The following CYP2C19 variants were observed in gnomAD, a reference collection of about 807,000 sequenced individuals.
CYP2C19 encodes the protein cytochrome P450 2C19.
In CYP2C19, 59 loss-of-function variants were observed where a neutral mutation model predicts 40.9. That is an observed-to-expected ratio of 1.44 (90% CI 1.17 to 1.79). The LOEUF (loss-of-function observed/expected upper bound fraction) is 1.79, where lower values mean the gene tolerates loss of function less well. Ranked by LOEUF, CYP2C19 falls within the 40% of genes most tolerant of loss-of-function variation. The pLI is 0.00. For synonymous variants in CYP2C19, 253 were observed against 208.7 expected, an observed-to-expected ratio of 1.21 and a Z score of -1.83; for missense variants, 754 against 596.9, an observed-to-expected ratio of 1.26 and a Z score of -2.74.
chr10:94,829,174 G>A (rs1849285098), intron 6 of CYP2C19, among the ~76,000 whole-genome samples: 2 of 152,056 alleles, frequency 1.3e-5, no homozygotes, highest in African/African-American at 4.8e-5. Context: ...GTATCTTTGT[G>A]GCGTTCTCTG....
chr10:94,775,645 G>C, intron 3 of CYP2C19, 106 bp downstream of exon 3: 3 of 1,588,556 alleles, frequency 1.9e-6, no homozygotes, highest in Non-Finnish European at 2.6e-6. Flanking sequence ...TTGGAGTCCT[G>C]GTTGTTAGCT....
At chr10:94,818,661 G>C (rs1289353667) in intron 5 of CYP2C19, among the ~76,000 whole-genome samples, 1 of 148,776 alleles carries the variant, frequency 6.7e-6, no homozygotes, top group Non-Finnish European at 1.5e-5. Flanking sequence ...AATTGTGAAT[G>C]GGAGTTCACT....
At chr10:94,801,322 T>C (rs1441622481) in intron 5 of CYP2C19, among the ~76,000 whole-genome samples, 1 of 152,194 alleles carries the variant, frequency 6.6e-6, no homozygotes, top group Non-Finnish European at 1.5e-5. Context: ...CAAAGAACAT[T>C]ATTACTTTTG....
intron 5 of CYP2C19, among the ~76,000 whole-genome samples, chr10:94,787,763 T>C (rs557448474): frequency 6.6e-6 from 1 of 152,254 alleles, no homozygotes; most frequent in Admixed American, 6.5e-5. Flanking sequence ...CTTTCCTGAT[T>C]GATTATTTTT....
intron 6 of CYP2C19, among the ~76,000 whole-genome samples, chr10:94,838,956 C>G (rs1849447800): frequency 6.6e-6 from 1 of 151,116 alleles, no homozygotes; most frequent in South Asian, 2.1e-4. Context: ...TTGACCCTTT[C>G]TTAGAGGGTC....
chr10:94,777,524 C>A (rs190373424), intron 3 of CYP2C19, among the ~76,000 whole-genome samples: 1 of 152,222 alleles, frequency 6.6e-6, no homozygotes, highest in South Asian at 2.1e-4. Flanking sequence ...TGATCTTCAA[C>A]AAACCTGACA....
intron 5 of CYP2C19, among the ~76,000 whole-genome samples, chr10:94,788,598 G>A (rs1278013190): frequency 2.0e-5 from 3 of 152,042 alleles, no homozygotes; most frequent in Non-Finnish European, 1.5e-5. Flanking sequence ...AACACACAGT[G>A]TTTAGTTTTC....
At position 94,853,474 on chromosome 10, in the gene CYP2C19, C is replaced by T. The variant is rs1189574079; in HGVS notation, c.*560C>T. On this transcript the variant is annotated 3_prime_UTR_variant, in exon 9 of 9. Transcript: ENST00000371321. ...TGAGAAACTGTGTCCAGGAGCAGCT[C>T]CAACCTCTAGGGAAATATTCAGAGG... Among the ~76,000 whole-genome samples the T allele has an allele frequency of 2.6e-5, 4 of 151,610 alleles. No homozygotes were observed. Among genetic ancestry groups the T allele is most frequent in the Non-Finnish European group, 5.9e-5 (4 of 68,002 alleles).
At chr10:94,847,884 A>C (rs1271961180) in intron 7 of CYP2C19, among the ~76,000 whole-genome samples, 1 of 152,170 alleles carries the variant, frequency 6.6e-6, no homozygotes, top group Admixed American at 6.5e-5. Context: ...TCTTTTCAGA[A>C]GTGTCTGTTC....
intron 6 of CYP2C19, among the ~76,000 whole-genome samples, chr10:94,833,345 C>A (rs1177547292): frequency 6.6e-6 from 1 of 152,144 alleles, no homozygotes; most frequent in Non-Finnish European, 1.5e-5. Flanking sequence ...CATGATCTTA[C>A]AGAAAATGCT....
At chr10:94,763,362 G>A (rs1334622973) in intron 1 of CYP2C19, among the ~76,000 whole-genome samples, 2 of 152,140 alleles carry the variant, frequency 1.3e-5, no homozygotes, top group Non-Finnish European at 2.9e-5. Flanking sequence ...TAGATAAGAA[G>A]TTATAGACTT....
chr10:94,850,838 A>C (rs892921525), intron 8 of CYP2C19, among the ~76,000 whole-genome samples: 12 of 151,746 alleles, frequency 7.9e-5, no homozygotes, highest in African/African-American at 2.4e-4. Flanking sequence ...AGAATGTAGC[A>C]GGATACTCTG....
At chr10:94,769,255 C>A (rs765244554) in intron 1 of CYP2C19, among the ~76,000 whole-genome samples, 2 of 152,130 alleles carry the variant, frequency 1.3e-5, no homozygotes, top group Non-Finnish European at 2.9e-5. Context: ...AAAAGTAAAT[C>A]ATCCACGTAC....
rs1848190686 is a variant in CYP2C19 at position 94,762,824 on chromosome 10, G to T, written c.119G>T (p.Gly40Val). 2 of 1,613,730 alleles carry T rather than the reference G, an allele frequency of 1.2e-6. No homozygotes were observed. The highest frequency in any genetic ancestry group is 1.7e-6 in the Non-Finnish European group (2 of 1,179,850). The stretch of plus-strand genomic sequence containing the variant: ...GGCCCCACTCCTCTCCCAGTGATTG[G>T]AAATATCCTACAGATAGATATTAAG... ...PPGPTPLPVIGNILQIDIKDV... is the reference protein window; with the variant it reads ...PPGPTPLPVIVNILQIDIKDV... The change falls in exon 1 of 9, where the codon GGA becomes GTA. Residue 40 changes from glycine (G) to valine (V), a missense_variant. By Grantham distance (109) the Gly-to-Val change is moderately radical. Transcript: ENST00000371321.
chr10:94,806,710 A>G, intron 5 of CYP2C19, among the ~76,000 whole-genome samples: 2 of 148,406 alleles, frequency 1.3e-5, no homozygotes, highest in Middle Eastern at 7.1e-3. Flanking sequence ...ATATTATATA[A>G]CATATATAAA....
At chr10:94,763,437 T>G (rs1848200065) in intron 1 of CYP2C19, among the ~76,000 whole-genome samples, 1 of 152,142 alleles carries the variant, frequency 6.6e-6, no homozygotes, top group Non-Finnish European at 1.5e-5. Flanking sequence ...AACCCCAAAA[T>G]GACCTTAGGG....
intron 6 of CYP2C19, among the ~76,000 whole-genome samples, chr10:94,841,842 G>T (rs1211209515): frequency 1.3e-5 from 2 of 152,068 alleles, no homozygotes; most frequent in Non-Finnish European, 2.9e-5. Context: ...TTATTACTTG[G>T]TGGTCAGAGA....
intron 6 of CYP2C19, among the ~76,000 whole-genome samples, chr10:94,826,532 T>G (rs1257487830): frequency 6.6e-6 from 1 of 152,238 alleles, no homozygotes; most frequent in Non-Finnish European, 1.5e-5. Context: ...TTGCTGAAGT[T>G]GTTTATCAGC....
intron 1 of CYP2C19, among the ~76,000 whole-genome samples, chr10:94,769,357 G>A (rs2089588444): frequency 6.6e-6 from 1 of 152,142 alleles, no homozygotes; most frequent in South Asian, 2.1e-4. Context: ...AACCCTTGGG[G>A]CAAGACTGTC....
Sources: gnomAD v4.1 joint callset for allele counts (sites outside exome capture counted in the v4.1 genomes callset) on GRCh38, gnomAD v4.1.1 for gene constraint, MANE v1.5 for transcripts, NCBI Gene and HGNC (gene_info 2026-07-23, HGNC 2026-07-21) for gene names.